Variants in FAM135A observed in about 807,000 individuals in gnomAD.
FAM135A encodes family with sequence similarity 135 member A, also known as protein FAM135A.
FAM135A carries 79 observed loss-of-function variants against 146.8 expected under a neutral mutation model. The observed-to-expected ratio is 0.54, with a 90% CI of 0.45 to 0.65. The LOEUF is 0.65. Ranked by LOEUF, FAM135A falls within the 30% of genes least tolerant of loss-of-function variation. FAM135A has a pLI of 0.00. For missense variants in FAM135A, 1,623 were observed against 1,758.2 expected, an observed-to-expected ratio of 0.92 and a Z score of 1.38; for synonymous variants, 562 against 603.6, an observed-to-expected ratio of 0.93 and a Z score of 1.01.
chr6:70,488,105 C>G (rs906958400), intron 10 of FAM135A, among the ~76,000 whole-genome samples: 1 of 152,146 alleles, frequency 6.6e-6, no homozygotes, highest in South Asian at 2.1e-4. Flanking sequence ...AAATAGCATA[C>G]TAGGTAGTAT....
intron 11 of FAM135A, among the ~76,000 whole-genome samples, chr6:70,491,416 A>G (rs1785956448): frequency 6.6e-6 from 1 of 152,002 alleles, no homozygotes; most frequent in Non-Finnish European, 1.5e-5. Context: ...GATACTGTTT[A>G]AAAATGAAAA....
chr6:70,551,414 G>A (rs547051166), intron 20 of FAM135A, among the ~76,000 whole-genome samples: 1 of 152,288 alleles, frequency 6.6e-6, no homozygotes, highest in South Asian at 2.1e-4. Context: ...TTTGAGATCA[G>A]CCTGGGCAAC....
At chr6:70,457,467 C>T (rs1420987698) in intron 5 of FAM135A, among the ~76,000 whole-genome samples, 1 of 152,184 alleles carries the variant, frequency 6.6e-6, no homozygotes, top group South Asian at 2.1e-4. Flanking sequence ...ATACAAGAAA[C>T]GTCTTCCATC....
In FAM135A at chr6:70,524,655, A is replaced by G. The variant is rs746739103; in HGVS notation, c.1571A>G (p.Lys524Arg). Reference protein sequence around the residue: ...SKDSVVLVGYKCLKSTASNDL... With the variant: ...SKDSVVLVGYRCLKSTASNDL... ...GATTCTGTGGTTTTGGTAGGCTACA[A>G]ATGTTTGAAAAGTACAGCATCAAAT... The change falls in exon 15 of 22, where the codon AAA becomes AGA. Residue 524 changes from lysine to arginine, a missense_variant. By Grantham distance (26) the Lys-to-Arg change is conservative (BLOSUM62 2). Transcript: ENST00000418814. 15 of 1,550,462 alleles carry G rather than the reference A, an allele frequency of 9.7e-6. No homozygotes were observed. The highest frequency in any genetic ancestry group is 1.2e-5 in the South Asian group (1 of 83,596).
chr6:70,556,650 T>C (rs1409069743), intron 20 of FAM135A, 100 bp from the exon 21 acceptor site: 1 of 718,374 alleles, frequency 1.4e-6, no homozygotes, highest in Non-Finnish European at 2.1e-6. Context: ...AACTTAGTAC[T>C]GCTAAGGAAA....
At chr6:70,489,834 A>G (rs1422596741) in intron 10 of FAM135A, among the ~76,000 whole-genome samples, 1 of 152,048 alleles carries the variant, frequency 6.6e-6, no homozygotes, top group African/African-American at 2.4e-5. Flanking sequence ...TAATGAGCAA[A>G]AGACCACTCT....
At chr6:70,439,383 T>G (rs1489258070) in intron 4 of FAM135A, among the ~76,000 whole-genome samples, 3 of 152,172 alleles carry the variant, frequency 2.0e-5, no homozygotes, top group Non-Finnish European at 4.4e-5. Context: ...TAGTAGCTTT[T>G]TGCTTTGAAC....
At chr6:70,529,937 G>A (rs947498240) in intron 16 of FAM135A, among the ~76,000 whole-genome samples, 11 of 152,172 alleles carry the variant, frequency 7.2e-5, no homozygotes, top group African/African-American at 1.9e-4. Context: ...GGTGGCGGGC[G>A]CCTGTAGTCC....
chr6:70,456,927 C>T (rs1778486401), intron 5 of FAM135A, among the ~76,000 whole-genome samples: 1 of 152,112 alleles, frequency 6.6e-6, no homozygotes, highest in Non-Finnish European at 1.5e-5. Context: ...CCTTTTCAGG[C>T]GTGGTAGTGG....
At chr6:70,465,632 G>A (rs548703726) in intron 5 of FAM135A, among the ~76,000 whole-genome samples, 16 of 152,094 alleles carry the variant, frequency 1.1e-4, no homozygotes, top group South Asian at 4.2e-4. Context: ...CTCCTGCCTC[G>A]GCCTCCTAAA....
Position 70,542,545 on chromosome 6 carries a change from G to A in FAM135A, c.4228+4144G>A, listed in dbSNP as rs535794760. ...AGAATACTCGCTGTATACCTTTGGG[G>A]TTTTTTGAGACAGGGTCTCATGCTG... On this transcript the variant is annotated intron_variant, in intron 20 of 21. Transcript: ENST00000418814. 8.5e-5 allele frequency among the ~76,000 whole-genome samples: 13 copies of A among 152,200 alleles called. 1 individual carries two copies. In the South Asian group the frequency reaches 2.7e-3, roughly 32 times the overall value.
chr6:70,451,871 GATGTT>G (rs1193952984), intron 4 of FAM135A, among the ~76,000 whole-genome samples: 3 of 151,802 alleles, frequency 2.0e-5, no homozygotes, highest in Non-Finnish European at 2.9e-5. Flanking sequence ...GCAGTGTGAT[GATGTT>G]ATAAGACAGT....
At chr6:70,543,087 T>C (rs1798230305) in intron 20 of FAM135A, among the ~76,000 whole-genome samples, 2 of 152,210 alleles carry the variant, frequency 1.3e-5, no homozygotes, top group African/African-American at 4.8e-5. Context: ...TCTTCTAGTG[T>C]ACACCGATTG....
intron 20 of FAM135A, among the ~76,000 whole-genome samples, chr6:70,555,909 A>G (rs1000512188): frequency 6.6e-6 from 1 of 152,160 alleles, no homozygotes; most frequent in African/African-American, 2.4e-5. Context: ...TGGCATAGAT[A>G]GTATCATACG....
chr6:70,469,790 A>C (rs571642885), intron 5 of FAM135A, among the ~76,000 whole-genome samples: 1 of 152,286 alleles, frequency 6.6e-6, no homozygotes, highest in Non-Finnish European at 1.5e-5. Context: ...GGAGAGTGTG[A>C]TGTCCAGAAA....
chr6:70,539,729 C>G (rs958040397), intron 20 of FAM135A, among the ~76,000 whole-genome samples: 5 of 152,012 alleles, frequency 3.3e-5, no homozygotes, highest in African/African-American at 1.2e-4. Context: ...GGCGTGGTGG[C>G]TCACGCCTGT....
intron 5 of FAM135A, among the ~76,000 whole-genome samples, chr6:70,467,157 C>G (rs1780633277): frequency 6.6e-6 from 1 of 151,948 alleles, no homozygotes; most frequent in South Asian, 2.1e-4. Flanking sequence ...TTCATTCTAC[C>G]CTTAACAGTT....
At chr6:70,524,217 T>A in intron 14 of FAM135A, 96 bp downstream of exon 14, 1 of 1,405,682 alleles carries the variant, frequency 7.1e-7, no homozygotes, top group East Asian at 2.5e-5. Flanking sequence ...GTGGAATAGT[T>A]TTTTTCCCTC....
intron 10 of FAM135A, among the ~76,000 whole-genome samples, chr6:70,487,258 A>G (rs1328596962): frequency 1.3e-5 from 2 of 152,078 alleles, no homozygotes; most frequent in African/African-American, 4.8e-5. Flanking sequence ...CTCTCTGGAT[A>G]TGTTATGCAT....
Sources: allele counts gnomAD v4.1 joint callset (sites outside exome capture counted in the v4.1 genomes callset), GRCh38; gene constraint gnomAD v4.1.1; transcripts MANE v1.5; gene names NCBI Gene and HGNC (gene_info 2026-07-23, HGNC 2026-07-21).